The following KIAA0586 variants were observed in gnomAD, a reference collection of about 807,000 sequenced individuals.
KIAA0586 encodes the protein protein TALPID3.
A neutral mutation model predicts 169.8 loss-of-function variants in KIAA0586; 144 were observed. That is an observed-to-expected ratio of 0.85 (90% CI 0.74 to 0.97). The LOEUF (loss-of-function observed/expected upper bound fraction) is 0.97, where lower values mean the gene tolerates loss of function less well. KIAA0586 is among the 50% of genes least tolerant of loss of function. KIAA0586 has a pLI of 0.00. For synonymous variants in KIAA0586, 625 were observed against 612.4 expected, an observed-to-expected ratio of 1.02 and a Z score of -0.30; for missense variants, 1,854 against 1,823.0, an observed-to-expected ratio of 1.02 and a Z score of -0.31.
intron 8 of KIAA0586, among the ~76,000 whole-genome samples, chr14:58,451,710 G>A (rs932743182): frequency 6.6e-6 from 1 of 151,976 alleles, no homozygotes; most frequent in Non-Finnish European, 1.5e-5. Context: ...TTGAGATGAA[G>A]TCTCGCTCTG....
intron 4 of KIAA0586, among the ~76,000 whole-genome samples, chr14:58,440,694 G>C (rs1284131981): frequency 6.6e-6 from 1 of 152,150 alleles, no homozygotes; most frequent in African/African-American, 2.4e-5. Context: ...TCTTTTCAGT[G>C]GTGTTATCAA....
At chr14:58,436,595 T>C (rs2037839652) in intron 4 of KIAA0586, among the ~76,000 whole-genome samples, 1 of 152,150 alleles carries the variant, frequency 6.6e-6, no homozygotes, top group African/African-American at 2.4e-5. Context: ...AAATTGGAAA[T>C]GTAATTCTAA....
At position 58,428,102 on chromosome 14, in the gene KIAA0586, C is replaced by G; in HGVS notation, c.-163C>G. The G allele has an allele frequency of 6.8e-7, 1 of 1,460,298 alleles. No individual in the cohort carries two copies. The allele number at this position is 1,460,298 out of a possible 1,614,324, so 90.5% of individuals were successfully genotyped here. On this transcript the variant is annotated 5_prime_UTR_variant, in exon 1 of 31. Coordinates refer to ENST00000652326, the MANE Select transcript of KIAA0586 (RefSeq NM_001329943.3). ...GGTAAATATGACTTTATAGTCAGCT[C>G]TAATCCTGGATTCAATATCAGAATT...
At chr14:58,438,691 GGA>G (rs2038037877) in intron 4 of KIAA0586, among the ~76,000 whole-genome samples, 1 of 152,188 alleles carries the variant, frequency 6.6e-6, no homozygotes, top group Non-Finnish European at 1.5e-5. Context: ...GTTAATGAAG[GGA>G]GAGATCAAGA....
Position 58,482,504 on chromosome 14 carries a change from T to C in KIAA0586, c.2945-9T>C. 2 of 1,462,616 alleles carry C rather than the reference T, an allele frequency of 1.4e-6. No homozygotes were observed. The highest frequency in any genetic ancestry group is 2.9e-5 in the South Asian group (2 of 67,994). 90.6% of individuals were successfully genotyped at this position (1,462,616 alleles called of 1,614,324 possible). A position where few individuals can be genotyped will look rare whatever the true frequency, so the allele number is the denominator to read the frequency against. On this transcript the variant is annotated splice_polypyrimidine_tract_variant and intron_variant, in intron 20 of 30. Transcript: ENST00000652326. ...CCCACTTATTCTGATTTTTTTTTTT[T>C]ACTTTTAGTGGAAGGAACAAGCAGT...
rs1353475697 is a variant in KIAA0586 at position 58,428,387 on chromosome 14, C to G, written c.123C>G (p.Pro41=). 3 of 1,613,826 alleles carry G rather than the reference C, an allele frequency of 1.9e-6. No homozygotes were observed. Among genetic ancestry groups the G allele is most frequent in the South Asian group, 2.2e-5 (2 of 91,090 alleles). The change falls in exon 1 of 31, where the codon CCC becomes CCG. Residue 41 remains proline, a synonymous_variant. Transcript: ENST00000652326. ...DHLVLLKDEL[P]CVPPALSANK... ...TGGTTTTGCTGAAAGATGAGTTGCCCTGTGTTCCTCCGGCATTGTCTGCAA... is the reference window on the plus strand; with the variant it reads ...TGGTTTTGCTGAAAGATGAGTTGCCGTGTGTTCCTCCGGCATTGTCTGCAA...
chr14:58,479,139 C>T (rs1441059676), intron 20 of KIAA0586, among the ~76,000 whole-genome samples: 1 of 152,282 alleles, frequency 6.6e-6, no homozygotes, highest in South Asian at 2.1e-4. Flanking sequence ...GCATTCCACC[C>T]AGCAGTGTAT....
At chr14:58,445,780 A>AGT (rs1445745987) in intron 6 of KIAA0586, among the ~76,000 whole-genome samples, 3 of 49,414 alleles carry the variant, frequency 6.1e-5, no homozygotes, top group Non-Finnish European at 1.2e-4. Flanking sequence ...CACTCAGTAA[A>AGT]CTCTTTTTTT....
rs368811330 is a variant in KIAA0586 at position 58,428,197 on chromosome 14, T to C, written c.-68T>C. 10 of 1,537,670 alleles carry C rather than the reference T, an allele frequency of 6.5e-6. 1 individual carries two copies. The highest frequency in any genetic ancestry group is 2.3e-5 in the East Asian group (1 of 42,696). ...TTGCAAAGAGGTGAAAATTTTGTTC[T>C]GAAGTCTTAAGGAAACAGAGAAAGT... On this transcript the variant is annotated 5_prime_UTR_variant, in exon 1 of 31. Transcript: ENST00000652326.
chr14:58,555,103 T>C (rs977557837), downstream of KIAA0586, among the ~76,000 whole-genome samples: 19 of 143,092 alleles, frequency 1.3e-4, no homozygotes, highest in South Asian at 2.3e-4. Context: ...TTCTTTCTTT[T>C]TTTTTTTTTT....
intron 4 of KIAA0586, chr14:58,441,980 T>C (rs1051922036): frequency 6.6e-6 from 1 of 152,264 alleles, no homozygotes; most frequent in African/African-American, 2.4e-5. Context: ...CTACTGTACT[T>C]GACTAGTCTT....
chr14:58,441,268 C>G (rs1268111955), intron 4 of KIAA0586: 1 of 440,100 alleles, frequency 2.3e-6, no homozygotes, highest in African/African-American at 2.1e-5. Flanking sequence ...GGGGTGATCA[C>G]AACTCACTGC....
intron 8 of KIAA0586, among the ~76,000 whole-genome samples, chr14:58,451,467 T>A (rs922717107): frequency 6.6e-6 from 1 of 152,060 alleles, no homozygotes; most frequent in Non-Finnish European, 1.5e-5. Context: ...GCTCAAGCGA[T>A]CTGCCCGCCT....
intron 29 of KIAA0586, among the ~76,000 whole-genome samples, chr14:58,519,939 G>A (rs557805939): frequency 8.5e-5 from 13 of 152,200 alleles, no homozygotes; most frequent in South Asian, 8.3e-4. Context: ...GTAGACAGTC[G>A]TGCAAACAGC....
chr14:58,445,142 C>T (rs2038764650), intron 6 of KIAA0586, among the ~76,000 whole-genome samples: 1 of 151,566 alleles, frequency 6.6e-6, no homozygotes, highest in African/African-American at 2.4e-5. Context: ...CACACACACA[C>T]ACACACATAT....
At chr14:58,482,478 G>A in intron 20 of KIAA0586, 35 bp from the exon 21 acceptor site, 2 of 1,364,280 alleles carry the variant, frequency 1.5e-6, no homozygotes, top group Non-Finnish European at 1.9e-6. Context: ...CATGTTTCTT[G>A]CCCACTTATT....
intron 4 of KIAA0586, among the ~76,000 whole-genome samples, chr14:58,442,246 A>C (rs1372788663): frequency 6.6e-6 from 1 of 152,078 alleles, no homozygotes. Context: ...AGTGGCTAGG[A>C]CTACAGGCGC....
intron 14 of KIAA0586, among the ~76,000 whole-genome samples, chr14:58,463,285 T>G (rs2040482948): frequency 6.6e-6 from 1 of 152,224 alleles, no homozygotes; most frequent in Non-Finnish European, 1.5e-5. Context: ...TGTGTTATAT[T>G]TTTATTTGTT....
intron 4 of KIAA0586, among the ~76,000 whole-genome samples, chr14:58,435,229 A>C (rs530774962): frequency 1.2e-3 from 177 of 152,360 alleles, no homozygotes; most frequent in African/African-American, 4.2e-3. Flanking sequence ...CACTACAATA[A>C]TTCATGATCT....
Sources: allele counts gnomAD v4.1 joint callset (sites outside exome capture counted in the v4.1 genomes callset), GRCh38; gene constraint gnomAD v4.1.1; transcripts MANE v1.5; gene names NCBI Gene and HGNC (gene_info 2026-07-23, HGNC 2026-07-21).